Variants in FSHR observed in about 807,000 individuals in gnomAD.
FSHR encodes follicle stimulating hormone receptor.
Under a neutral mutation model 52.1 loss-of-function variants are expected in FSHR, and 46 were observed. The observed-to-expected ratio is 0.88, with a 90% CI of 0.70 to 1.13. The LOEUF (loss-of-function observed/expected upper bound fraction) is 1.13. FSHR is among the 50% of genes most tolerant of loss of function. FSHR has a pLI of 0.00. For missense variants in FSHR, 964 were observed against 834.6 expected (o/e 1.16, Z -1.91); for synonymous variants, 399 against 309.6 (o/e 1.29, Z -3.03).
intron 1 of FSHR, among the ~76,000 whole-genome samples, chr2:49,113,633 A>AT (rs1671503550): frequency 6.6e-6 from 1 of 152,004 alleles, no homozygotes. Flanking sequence ...CATTTTCTTC[A>AT]TTTTTTATTT....
At chr2:48,990,737 A>G (rs886154018) in intron 4 of FSHR, 100 bp from the exon 5 acceptor site, 8 of 805,162 alleles carry the variant, frequency 9.9e-6, no homozygotes, top group Non-Finnish European at 1.5e-5. Context: ...ATTTTGAACC[A>G]TCAGAAAAAT....
intron 4 of FSHR, among the ~76,000 whole-genome samples, chr2:49,000,494 T>G (rs918684266): frequency 6.6e-6 from 1 of 152,178 alleles, no homozygotes; most frequent in Non-Finnish European, 1.5e-5. Context: ...CAGAGCTCAG[T>G]GTAGCCAATG....
At chr2:49,109,804 G>T (rs13026647) in intron 1 of FSHR, among the ~76,000 whole-genome samples, 1 of 152,078 alleles carries the variant, frequency 6.6e-6, no homozygotes, top group Middle Eastern at 3.4e-3. Context: ...AATTAGGAAC[G>T]TGAAAATAAA....
At chr2:49,093,957 T>A (rs1670718510) in intron 1 of FSHR, among the ~76,000 whole-genome samples, 2 of 152,206 alleles carry the variant, frequency 1.3e-5, no homozygotes, top group Admixed American at 6.5e-5. Flanking sequence ...TAGTTGAATA[T>A]CTTTGTTGTA....
chr2:49,106,212 CA>C (rs1413296670), intron 1 of FSHR, among the ~76,000 whole-genome samples: 3 of 152,144 alleles, frequency 2.0e-5, no homozygotes, highest in Admixed American at 2.0e-4. Flanking sequence ...TGCTTAACAA[CA>C]AGATGACATT....
At chr2:49,123,047 C>T (rs1411545230) in intron 1 of FSHR, among the ~76,000 whole-genome samples, 4 of 151,974 alleles carry the variant, frequency 2.6e-5, no homozygotes, top group African/African-American at 7.3e-5. Context: ...CCTTCCTTTC[C>T]TCCACATTTT....
chr2:49,015,353 C>T (rs575637881), intron 4 of FSHR, among the ~76,000 whole-genome samples: 7 of 152,170 alleles, frequency 4.6e-5, no homozygotes, highest in Non-Finnish European at 1.0e-4. Context: ...TATTCAACAA[C>T]TTACTAGAAT....
chr2:48,996,179 A>C (rs1295103635), intron 4 of FSHR, among the ~76,000 whole-genome samples: 2 of 152,084 alleles, frequency 1.3e-5, no homozygotes, highest in African/African-American at 4.8e-5. Flanking sequence ...TTACTCTTTT[A>C]CATTTTTAAT....
intron 2 of FSHR, among the ~76,000 whole-genome samples, chr2:49,061,328 A>G (rs1669280118): frequency 6.6e-6 from 1 of 151,970 alleles, no homozygotes; most frequent in African/African-American, 2.4e-5. Flanking sequence ...CTGTAAAGAC[A>G]AATATAAACT....
chr2:49,064,007 TAAAA>T (rs553145303), intron 2 of FSHR, among the ~76,000 whole-genome samples: 3 of 150,246 alleles, frequency 2.0e-5, no homozygotes, highest in Non-Finnish European at 3.0e-5. Context: ...TAAAAAATAA[TAAAA>T]AAGAAAAAAC....
intron 1 of FSHR, among the ~76,000 whole-genome samples, chr2:49,101,282 C>T (rs970468069): frequency 6.6e-6 from 1 of 152,014 alleles, no homozygotes; most frequent in Admixed American, 6.6e-5. Context: ...TTGTGAGAGA[C>T]TCAAACATGT....
intron 1 of FSHR, among the ~76,000 whole-genome samples, chr2:49,103,225 C>T (rs1056689776): frequency 6.6e-6 from 1 of 152,032 alleles, no homozygotes; most frequent in Non-Finnish European, 1.5e-5. Flanking sequence ...AAATAGGAGC[C>T]CCTGAGGATA....
intron 1 of FSHR, among the ~76,000 whole-genome samples, chr2:49,077,611 T>G (rs1423140635): frequency 2.0e-5 from 3 of 152,226 alleles, no homozygotes; most frequent in African/African-American, 7.2e-5. Flanking sequence ...GGGATTTTCT[T>G]TTCTATTGCA....
At position 49,098,015 on chromosome 2, in the gene FSHR, A is replaced by C. The variant is rs529446058; in HGVS notation, c.153-29725T>G. ...CTATATTATCATTCATTCATCCAAT[A>C]AACATTTATAGAAATGCAAGTTTTG... On this transcript the variant is annotated intron_variant, in intron 1 of 9. Coordinates refer to ENST00000406846, the MANE Select transcript of FSHR (RefSeq NM_000145.4). Among the ~76,000 whole-genome samples the C allele has an allele frequency of 7.8e-4, 119 of 152,312 alleles. 5 individuals carry two copies. The South Asian group carries it at 0.024, about 31-fold the overall frequency.
intron 2 of FSHR, among the ~76,000 whole-genome samples, chr2:49,048,641 C>CAGACCCACTGGG (rs1263087904): frequency 1.3e-5 from 2 of 152,232 alleles, no homozygotes; most frequent in African/African-American, 2.4e-5. Flanking sequence ...TGCCCAGACT[C>CAGACCCACTGGG]TCTCAGAACC....
chr2:49,149,164 A>G (rs1448039814), intron 1 of FSHR, among the ~76,000 whole-genome samples: 1 of 152,040 alleles, frequency 6.6e-6, no homozygotes, highest in Non-Finnish European at 1.5e-5. Context: ...GATGAGGAGA[A>G]GTAAACTGTC....
chr2:49,046,531 C>T (rs372192145), intron 2 of FSHR, among the ~76,000 whole-genome samples: 36 of 152,134 alleles, frequency 2.4e-4, no homozygotes, highest in African/African-American at 8.2e-4. Flanking sequence ...TAAGACAATG[C>T]ATATAAAGTG....
chr2:49,147,879 C>T (rs1304439056), intron 1 of FSHR, among the ~76,000 whole-genome samples: 5 of 151,968 alleles, frequency 3.3e-5, no homozygotes, highest in South Asian at 2.1e-4. Context: ...TTAGTGTGAA[C>T]GCTGTGCTGT....
At chr2:49,053,625 A>T (rs1435226869) in intron 2 of FSHR, among the ~76,000 whole-genome samples, 1 of 152,204 alleles carries the variant, frequency 6.6e-6, no homozygotes, top group Admixed American at 6.5e-5. Context: ...GATGCAGATA[A>T]AAGCTAAGGC....
Sources: gnomAD v4.1 joint callset for allele counts (sites outside exome capture counted in the v4.1 genomes callset) on GRCh38, gnomAD v4.1.1 for gene constraint, MANE v1.5 for transcripts, NCBI Gene and HGNC (gene_info 2026-07-23, HGNC 2026-07-21) for gene names.